SAMMSON: variants seen among roughly 807,000 people sequenced by gnomAD.
SAMMSON encodes survival associated mitochondrial melanoma specific oncogenic non-coding RNA.
chr3:70,030,221 A>G (rs1350473791), intron 3 of SAMMSON: 1 of 152,220 alleles, frequency 6.6e-6, no homozygotes, highest in Non-Finnish European at 1.5e-5. Context: ...ATTTTAAAAA[A>G]TTTCACACAT....
chr3:70,360,987 C>G (rs1163439070), intron 9 of SAMMSON, among the ~76,000 whole-genome samples: 5 of 152,056 alleles, frequency 3.3e-5, no homozygotes, highest in Non-Finnish European at 7.4e-5. Flanking sequence ...CAGCATTCTA[C>G]CATTTAATTT....
intron 4 of SAMMSON, among the ~76,000 whole-genome samples, chr3:70,214,781 G>T (rs145780147): frequency 1.4e-3 from 218 of 152,168 alleles, no homozygotes; most frequent in African/African-American, 4.8e-3. Flanking sequence ...CTTCAGACAT[G>T]AAAGCAGTTT....
intron 3 of SAMMSON, among the ~76,000 whole-genome samples, chr3:70,031,105 A>G (rs1454063858): frequency 1.3e-5 from 2 of 152,214 alleles, no homozygotes; most frequent in African/African-American, 4.8e-5. Context: ...GTTGATGGCA[A>G]CATTATCCAC....
chr3:70,105,976 A>C (rs1474826619), intron 4 of SAMMSON, among the ~76,000 whole-genome samples: 1 of 152,074 alleles, frequency 6.6e-6, no homozygotes, highest in Non-Finnish European at 1.5e-5. Context: ...ACAACGATAT[A>C]GTTGGTGCTC....
rs544060032 is a variant in SAMMSON at position 70,356,483 on chromosome 3, T to A, written n.843-1771T>A. Among the ~76,000 whole-genome samples the A allele has an allele frequency of 9.9e-5, 15 of 152,278 alleles. No individual in the cohort carries two copies. In the South Asian group the frequency reaches 2.9e-3, roughly 29 times the overall value. On this transcript the variant is annotated intron_variant and non_coding_transcript_variant, in intron 8 of 9. Transcript: ENST00000642114. ...AATAAATAAATAATCGAATATATTT[T>A]AAAATTTTCTTGATAACCCTGAGTT...
At chr3:70,225,686 T>C (rs1701497743) in intron 4 of SAMMSON, among the ~76,000 whole-genome samples, 1 of 152,212 alleles carries the variant, frequency 6.6e-6, no homozygotes, top group Non-Finnish European at 1.5e-5. Flanking sequence ...AGCAGTTTAG[T>C]GTTTCTTGAA....
At chr3:70,025,173 A>T (rs955154272) in intron 3 of SAMMSON, 29 of 152,216 alleles carry the variant, frequency 1.9e-4, no homozygotes, top group African/African-American at 7.0e-4. Flanking sequence ...AGAGAAAAAG[A>T]TATTTTGGAA....
chr3:70,083,357 A>T (rs903834574), intron 4 of SAMMSON, among the ~76,000 whole-genome samples: 1 of 152,134 alleles, frequency 6.6e-6, no homozygotes, highest in East Asian at 1.9e-4. Context: ...GCTTTGGGTC[A>T]TCTCTCTTCT....
chr3:70,307,701 G>A (rs1317723934), intron 7 of SAMMSON, among the ~76,000 whole-genome samples: 1 of 151,930 alleles, frequency 6.6e-6, no homozygotes, highest in Admixed American at 6.6e-5. Flanking sequence ...ACCCCATTTT[G>A]CACACCAGTT....
intron 4 of SAMMSON, among the ~76,000 whole-genome samples, chr3:70,190,776 G>A (rs1316967269): frequency 2.0e-5 from 3 of 152,192 alleles, no homozygotes; most frequent in African/African-American, 7.2e-5. Context: ...TCTAAGGGAT[G>A]TAATTTTCTA....
intron 3 of SAMMSON, among the ~76,000 whole-genome samples, chr3:70,026,283 A>G (rs1198951365): frequency 6.6e-6 from 1 of 152,134 alleles, no homozygotes; most frequent in Admixed American, 6.5e-5. Context: ...AGTGTTCCTG[A>G]TTTAGTGTAG....
At chr3:70,293,626 C>T (rs1028422893) in intron 7 of SAMMSON, among the ~76,000 whole-genome samples, 8 of 151,976 alleles carry the variant, frequency 5.3e-5, no homozygotes, top group Non-Finnish European at 5.9e-5. Context: ...TGGTTTTTGC[C>T]ACCAAATAAG....
At chr3:70,323,043 A>G (rs562083510) in intron 7 of SAMMSON, among the ~76,000 whole-genome samples, 1 of 152,190 alleles carries the variant, frequency 6.6e-6, no homozygotes, top group South Asian at 2.1e-4. Flanking sequence ...ATAAGTGGAG[A>G]TGATAAAAGA....
intron 4 of SAMMSON, among the ~76,000 whole-genome samples, chr3:70,128,398 T>C (rs2067467917): frequency 6.6e-6 from 1 of 152,198 alleles, no homozygotes; most frequent in African/African-American, 2.4e-5. Context: ...AGGTTAAATA[T>C]ATACTTCACA....
At chr3:70,327,900 C>T (rs1232751001) in intron 7 of SAMMSON, among the ~76,000 whole-genome samples, 1 of 152,162 alleles carries the variant, frequency 6.6e-6, no homozygotes, top group East Asian at 1.9e-4. Flanking sequence ...TGTAAAGTGA[C>T]AATGTCTGTG....
intron 3 of SAMMSON, among the ~76,000 whole-genome samples, chr3:70,034,785 A>G (rs2067079298): frequency 6.6e-6 from 1 of 152,162 alleles, no homozygotes; most frequent in African/African-American, 2.4e-5. Flanking sequence ...CGGAGGTTGC[A>G]GTGAGCCAAG....
At chr3:70,021,750 G>A (rs535950975) in intron 3 of SAMMSON, among the ~76,000 whole-genome samples, 19 of 152,108 alleles carry the variant, frequency 1.2e-4, no homozygotes, top group African/African-American at 4.6e-4. Flanking sequence ...TAATTGGACT[G>A]TAGCCTGCTC....
At chr3:70,302,844 C>T (rs76994760) in intron 7 of SAMMSON, among the ~76,000 whole-genome samples, 3,459 of 152,110 alleles carry the variant, frequency 0.023, 84 homozygotes, top group South Asian at 0.079. Flanking sequence ...CCTTTCATTC[C>T]GTTGGGATCA....
chr3:70,339,543 A>C (rs996967144), intron 7 of SAMMSON, among the ~76,000 whole-genome samples: 6 of 152,188 alleles, frequency 3.9e-5, no homozygotes, highest in Non-Finnish European at 7.3e-5. Flanking sequence ...CAAAGAACTT[A>C]AACAAATTTA....
Sources: allele counts gnomAD v4.1 joint callset (sites outside exome capture counted in the v4.1 genomes callset), GRCh38; gene constraint gnomAD v4.1.1; transcripts MANE v1.5; gene names NCBI Gene and HGNC (gene_info 2026-07-23, HGNC 2026-07-21).